KIF6: variants seen among roughly 807,000 people sequenced by gnomAD.
KIF6 encodes the protein kinesin-like protein KIF6.
In KIF6, 106 loss-of-function variants were observed where a neutral mutation model predicts 112.7. The ratio of observed to expected loss-of-function variants is 0.94; its 90% CI spans 0.80 to 1.11. KIF6 has a LOEUF of 1.11. Among genes scored for constraint, KIF6 ranks in the 50% least tolerant of loss-of-function variants. The probability of loss-of-function intolerance (pLI) is 0.00; values close to 1 mark genes in which losing one functional copy is unlikely to be tolerated. For missense variants in KIF6, 929 were observed against 964.0 expected (o/e 0.96, Z 0.48); for synonymous variants, 339 against 339.9 (o/e 1.00, Z 0.03).
At chr6:39,711,052 TAATA>T (rs896586674) in intron 3 of KIF6, among the ~76,000 whole-genome samples, 6 of 148,102 alleles carry the variant, frequency 4.1e-5, no homozygotes, top group African/African-American at 4.9e-5. Flanking sequence ...AAAAATTAAA[TAATA>T]AATAAATAAA....
intron 5 of KIF6, among the ~76,000 whole-genome samples, chr6:39,614,273 T>TA (rs1256758419): frequency 6.6e-6 from 1 of 152,234 alleles, no homozygotes; most frequent in Admixed American, 6.5e-5. Context: ...GAAATCTTAT[T>TA]ATTCACAAGT....
intron 4 of KIF6, among the ~76,000 whole-genome samples, chr6:39,639,160 G>C (rs1173634979): frequency 6.6e-6 from 1 of 151,984 alleles, no homozygotes; most frequent in African/African-American, 2.4e-5. Flanking sequence ...TTTTACAATG[G>C]TAATAATTAC....
At chr6:39,359,006 G>T (rs77155794) in intron 18 of KIF6, among the ~76,000 whole-genome samples, 3,062 of 152,190 alleles carry the variant, frequency 0.02, 99 homozygotes, top group African/African-American at 0.065. Context: ...TTTGATAACC[G>T]TATTTCATTC....
intron 15 of KIF6, among the ~76,000 whole-genome samples, chr6:39,396,852 A>G (rs938937428): frequency 6.6e-6 from 1 of 152,200 alleles, no homozygotes; most frequent in Non-Finnish European, 1.5e-5. Context: ...ATAACACTGC[A>G]TGGAGGATTG....
intron 12 of KIF6, among the ~76,000 whole-genome samples, chr6:39,542,532 G>T (rs1025479292): frequency 6.6e-6 from 1 of 152,104 alleles, no homozygotes. Flanking sequence ...TTTCCCATTT[G>T]TTGTGTCACA....
intron 13 of KIF6, among the ~76,000 whole-genome samples, chr6:39,448,021 G>C (rs1772438711): frequency 6.6e-6 from 1 of 152,124 alleles, no homozygotes. Flanking sequence ...TAAAGCAGTG[G>C]AGAGCCCCTT....
At chr6:39,700,079 C>T (rs1788793002) in intron 3 of KIF6, among the ~76,000 whole-genome samples, 1 of 152,180 alleles carries the variant, frequency 6.6e-6, no homozygotes, top group Non-Finnish European at 1.5e-5. Context: ...TACAGCCATG[C>T]AATGCATAAT....
intron 16 of KIF6, among the ~76,000 whole-genome samples, chr6:39,365,719 T>G (rs534379715): frequency 7.2e-5 from 11 of 152,358 alleles, no homozygotes; most frequent in Admixed American, 7.2e-4. Flanking sequence ...TTAACACTTT[T>G]GTCCCCACCC....
chr6:39,460,208 G>T (rs1371213103), intron 13 of KIF6, among the ~76,000 whole-genome samples: 1 of 131,242 alleles, frequency 7.6e-6, no homozygotes, highest in African/African-American at 2.9e-5. Flanking sequence ...AAAATGATGA[G>T]TTCATGTCCT....
chr6:39,583,597 T>C, intron 9 of KIF6: 8 of 384,822 alleles, frequency 2.1e-5, no homozygotes, highest in South Asian at 1.6e-4. Context: ...GTAATTAATA[T>C]GGGTAACAAT....
chr6:39,595,475 T>C (rs1400622286), intron 7 of KIF6, among the ~76,000 whole-genome samples: 1 of 152,176 alleles, frequency 6.6e-6, no homozygotes, highest in Non-Finnish European at 1.5e-5. Flanking sequence ...TTCAATAAAA[T>C]GGTATACACA....
intron 10 of KIF6, among the ~76,000 whole-genome samples, chr6:39,572,357 A>G (rs1780687966): frequency 6.6e-6 from 1 of 152,072 alleles, no homozygotes; most frequent in Non-Finnish European, 1.5e-5. Flanking sequence ...AACTCCTTGG[A>G]ATTATTTTTT....
At chr6:39,449,815 G>A (rs1380505680) in intron 13 of KIF6, among the ~76,000 whole-genome samples, 2 of 152,106 alleles carry the variant, frequency 1.3e-5, no homozygotes, top group African/African-American at 4.8e-5. Flanking sequence ...CTCCTATGAA[G>A]GTGCCAACCC....
intron 3 of KIF6, among the ~76,000 whole-genome samples, chr6:39,653,821 G>T (rs780065609): frequency 6.6e-6 from 1 of 152,114 alleles, no homozygotes; most frequent in Non-Finnish European, 1.5e-5. Flanking sequence ...ATGCCGGTGG[G>T]GGGTAGTTTC....
At chr6:39,362,390 T>A in intron 17 of KIF6, 44 bp downstream of exon 17, 2 of 1,472,900 alleles carry the variant, frequency 1.4e-6, no homozygotes, top group Non-Finnish European at 1.9e-6. Flanking sequence ...ACTGAGACCC[T>A]GGGAGGCTGG....
intron 15 of KIF6, among the ~76,000 whole-genome samples, chr6:39,389,213 G>A (rs1767665928): frequency 6.6e-6 from 1 of 152,136 alleles, no homozygotes; most frequent in Non-Finnish European, 1.5e-5. Context: ...TTTTACATCA[G>A]TATTCAGTCT....
intron 13 of KIF6, among the ~76,000 whole-genome samples, chr6:39,472,881 ATGGAGTTTCACTCTTGCTGCCCAGGC>A (rs149160797): frequency 0.3 from 44,042 of 147,008 alleles, 8,183 homozygotes; most frequent in African/African-American, 0.53. Flanking sequence ...TTTTTTTGAG[ATGGAGTTTCACTCTTGCTGCCCAGGC>A]TGGAGTTTCA....
At chr6:39,552,877 A>G (rs956492480) in intron 10 of KIF6, among the ~76,000 whole-genome samples, 48 of 152,304 alleles carry the variant, frequency 3.2e-4, no homozygotes, top group African/African-American at 1.1e-3. Flanking sequence ...GAAAGTTCAG[A>G]TAACAATAAA....
intron 6 of KIF6, among the ~76,000 whole-genome samples, chr6:39,608,718 A>C (rs912833300): frequency 3.9e-5 from 6 of 152,328 alleles, no homozygotes; most frequent in South Asian, 2.1e-4. Flanking sequence ...CACACACACA[A>C]AATGTTGAAG....
Sources: gnomAD v4.1 joint callset for allele counts (sites outside exome capture counted in the v4.1 genomes callset) on GRCh38, gnomAD v4.1.1 for gene constraint, MANE v1.5 for transcripts, NCBI Gene and HGNC (gene_info 2026-07-23, HGNC 2026-07-21) for gene names.